The following TSPAN9 variants were observed in gnomAD, a reference collection of about 807,000 sequenced individuals.
TSPAN9 encodes the protein tetraspanin 9, also known as tetraspanin-9.
TSPAN9 carries 16 observed loss-of-function variants against 31.0 expected under a neutral mutation model. The ratio of observed to expected loss-of-function variants is 0.52; its 90% CI spans 0.35 to 0.78. The LOEUF is 0.78. Ranked by LOEUF, TSPAN9 falls within the 30% of genes least tolerant of loss-of-function variation. The probability of loss-of-function intolerance (pLI) is 0.01; values close to 1 mark genes in which losing one functional copy is unlikely to be tolerated. For synonymous variants in TSPAN9, 145 were observed against 121.6 expected (o/e 1.19, Z -1.27); for missense variants, 272 against 312.5 (o/e 0.87, Z 0.98).
chr12:3,100,109 G>C (rs2098311168), intron 2 of TSPAN9, among the ~76,000 whole-genome samples: 1 of 152,084 alleles, frequency 6.6e-6, no homozygotes. Context: ...CTCCCAAAGT[G>C]CTGGGATTAC....
At chr12:3,117,529 C>G (rs554795508) in intron 2 of TSPAN9, among the ~76,000 whole-genome samples, 2 of 151,956 alleles carry the variant, frequency 1.3e-5, no homozygotes, top group African/African-American at 4.8e-5. Context: ...GGGTAAAAAC[C>G]TCATCATTTT....
chr12:3,192,482 G>A lies in TSPAN9; in HGVS notation c.-17-8695G>A, dbSNP rs2098364950. ...TTCGAGGTGGGAGCAAGTGACAACC[G>A]GGAGCCAAGGATGAGTCTGAGGCTT... On this transcript the variant is annotated intron_variant, in intron 2 of 8. Coordinates refer to ENST00000011898, the MANE Select transcript of TSPAN9 (RefSeq NM_006675.5). The surrounding 1 kb of genome is among the most constrained non-coding windows in gnomAD (Gnocchi z 4.6). Among the ~76,000 whole-genome samples, 1 of 152,280 alleles carries A rather than the reference G, an allele frequency of 6.6e-6. No homozygotes were observed. The highest frequency in any genetic ancestry group is 2.1e-4 in the South Asian group (1 of 4,814).
At chr12:3,163,596 G>C (rs892862200) in intron 2 of TSPAN9, among the ~76,000 whole-genome samples, 1 of 152,162 alleles carries the variant, frequency 6.6e-6, no homozygotes, top group African/African-American at 2.4e-5. Context: ...CCGGGTTACT[G>C]TTCTGCCTAC....
intron 3 of TSPAN9, among the ~76,000 whole-genome samples, chr12:3,229,207 T>G (rs906868062): frequency 6.6e-6 from 1 of 152,098 alleles, no homozygotes; most frequent in African/African-American, 2.4e-5. Flanking sequence ...GGACAGGGGT[T>G]GGGGGGTTGG....
chr12:3,240,287 A>G (rs1158167913), intron 3 of TSPAN9, among the ~76,000 whole-genome samples: 4 of 151,990 alleles, frequency 2.6e-5, no homozygotes, highest in African/African-American at 9.7e-5. Context: ...GGCTACGGGG[A>G]GAGAGAGAGT....
At chr12:3,091,596 G>A (rs2098304664) in intron 2 of TSPAN9, among the ~76,000 whole-genome samples, 1 of 152,194 alleles carries the variant, frequency 6.6e-6, no homozygotes, top group Non-Finnish European at 1.5e-5. Flanking sequence ...CTGATGAAAT[G>A]CACTTTCTCG....
chr12:3,105,770 A>G (rs564211267), intron 2 of TSPAN9, among the ~76,000 whole-genome samples: 6 of 31,804 alleles, frequency 1.9e-4, no homozygotes, highest in African/African-American at 2.2e-4. Flanking sequence ...ACACACGCGC[A>G]CGCACACACG....
chr12:3,184,173 T>TGAGTTCAG (rs1191884419), intron 2 of TSPAN9, among the ~76,000 whole-genome samples: 1 of 151,954 alleles, frequency 6.6e-6, no homozygotes, highest in African/African-American at 2.4e-5. Context: ...GCAGCTCGCT[T>TGAGTTCAG]GAGTTCAGGA....
rs114328532 is a variant in TSPAN9 at position 3,106,429 on chromosome 12, G to T, written c.-18+22710G>T. On this transcript the variant is annotated intron_variant, in intron 2 of 8. Transcript: ENST00000011898. ...AGGCATTATGCCTGTAAAATGTAAA[G>T]TTAACAAAGGCAGAAACTGGTGGTG... is the stretch of plus-strand genomic sequence containing the variant. 6.0e-3 allele frequency among the ~76,000 whole-genome samples: 907 copies of T among 152,322 alleles called. 6 individuals are homozygous for T. The highest frequency in any genetic ancestry group is 0.021 in the African/African-American group (868 of 41,582).
chr12:3,156,816 G>A (rs2098342513), intron 2 of TSPAN9, among the ~76,000 whole-genome samples: 1 of 152,076 alleles, frequency 6.6e-6, no homozygotes, highest in Non-Finnish European at 1.5e-5. Flanking sequence ...CCTGCTTAGA[G>A]TTGAATGGAA....
intron 3 of TSPAN9, among the ~76,000 whole-genome samples, chr12:3,237,076 C>T (rs1453340468): frequency 6.6e-6 from 1 of 152,108 alleles, no homozygotes; most frequent in East Asian, 1.9e-4. Context: ...GGAGGGCCTC[C>T]TGGAGTAGGT....
At chr12:3,082,020 AGTTCT>A (rs961974348) in intron 1 of TSPAN9, among the ~76,000 whole-genome samples, 2 of 152,024 alleles carry the variant, frequency 1.3e-5, no homozygotes, top group Non-Finnish European at 2.9e-5. Context: ...GTCTGTGCTA[AGTTCT>A]GATGCTGCAA....
chr12:3,186,033 T>G (rs1488154589), intron 2 of TSPAN9, among the ~76,000 whole-genome samples: 2 of 152,094 alleles, frequency 1.3e-5, no homozygotes, highest in Non-Finnish European at 2.9e-5. Flanking sequence ...AGAGGCTAAA[T>G]GAAGTGCGAA....
chr12:3,117,309 G>A (rs1321241678), intron 2 of TSPAN9, among the ~76,000 whole-genome samples: 1 of 152,114 alleles, frequency 6.6e-6, no homozygotes, highest in African/African-American at 2.4e-5. Context: ...GGGCAGAGTC[G>A]GTGGTACATT....
At chr12:3,108,397 A>C (rs1046406708) in intron 2 of TSPAN9, among the ~76,000 whole-genome samples, 2 of 152,202 alleles carry the variant, frequency 1.3e-5, no homozygotes, top group African/African-American at 4.8e-5. Flanking sequence ...TTTAAATTCC[A>C]GGGTTACTCT....
At chr12:3,100,128 G>A (rs2098311173) in intron 2 of TSPAN9, among the ~76,000 whole-genome samples, 1 of 152,060 alleles carries the variant, frequency 6.6e-6, no homozygotes, top group Non-Finnish European at 1.5e-5. Flanking sequence ...ACAGGCTTGA[G>A]CCACCGCGCC....
intron 3 of TSPAN9, among the ~76,000 whole-genome samples, chr12:3,248,451 A>T (rs1263345653): frequency 6.6e-6 from 1 of 152,046 alleles, no homozygotes. Context: ...GTTCCTGAAC[A>T]TTACACTCCT....
At chr12:3,112,018 A>T (rs998972689) in intron 2 of TSPAN9, among the ~76,000 whole-genome samples, 13 of 151,990 alleles carry the variant, frequency 8.6e-5, no homozygotes, top group African/African-American at 3.1e-4. Flanking sequence ...GGTCGCCTTT[A>T]CATTTTCTTT....
At chr12:3,166,943 T>C (rs1467889448) in intron 2 of TSPAN9, among the ~76,000 whole-genome samples, 1 of 152,126 alleles carries the variant, frequency 6.6e-6, no homozygotes, top group Non-Finnish European at 1.5e-5. Context: ...ATTACAGGCA[T>C]GCGCCACCAC....
Sources: gnomAD v4.1 joint callset for allele counts (sites outside exome capture counted in the v4.1 genomes callset) on GRCh38, gnomAD v4.1.1 for gene constraint, Gnocchi (gnomAD v3.1) non-coding constraint, MANE v1.5 for transcripts, NCBI Gene and HGNC (gene_info 2026-07-23, HGNC 2026-07-21) for gene names.